RRM2: variants seen among roughly 807,000 people sequenced by gnomAD.
RRM2 encodes the protein ribonucleotide reductase regulatory subunit M2.
In RRM2, 6 loss-of-function variants were observed where a neutral mutation model predicts 45.9. The observed-to-expected ratio is 0.13, with a 90% CI of 0.07 to 0.26. The LOEUF is 0.26. Ranked by LOEUF, RRM2 falls within the 10% of genes least tolerant of loss-of-function variation. The pLI is 1.00. For synonymous variants in RRM2, 177 were observed against 173.0 expected, an observed-to-expected ratio of 1.02 and a Z score of -0.18; for missense variants, 343 against 489.5, an observed-to-expected ratio of 0.70 and a Z score of 2.82.
chr2:10,156,638 CTTGATTGATTGACTGA>C (rs1663431932), intron 3 of RRM2, among the ~76,000 whole-genome samples: 2 of 152,180 alleles, frequency 1.3e-5, no homozygotes, highest in African/African-American at 2.4e-5. Context: ...TGAGGGACTG[CTTGATTGATTGACTGA>C]TTGATTGGGA....
At chr2:10,152,983 TGCA>T (rs1249698579) in intron 3 of RRM2, among the ~76,000 whole-genome samples, 1 of 152,216 alleles carries the variant, frequency 6.6e-6, no homozygotes, top group Non-Finnish European at 1.5e-5. Flanking sequence ...CTGTGTTAAT[TGCA>T]GCATTATTCA....
rs1293039543 is a variant in RRM2 at position 10,169,580 on chromosome 2, G to C, written n.482+27205G>C. On this transcript the variant is annotated intron_variant and non_coding_transcript_variant, in intron 3 of 3. Transcript: ENST00000381786. This position sits in a 1 kb window ranked among gnomAD's most constrained non-coding sequence, Gnocchi z 5.1. ...GCTGGGGTTGGGGAGGCGCAGGGGG[G>C]CTCCCCAGCAGAGGGAGGGCATTTG... Among the ~76,000 whole-genome samples the C allele has an allele frequency of 6.6e-6, 1 of 152,070 alleles. No homozygotes were observed. The highest frequency in any genetic ancestry group is 2.4e-5 in the African/African-American group (1 of 41,372).
Position 10,149,019 on chromosome 2 carries a change from A to T in RRM2, n.482+6644A>T, listed in dbSNP as rs182766782. On this transcript the variant is annotated intron_variant and non_coding_transcript_variant, in intron 3 of 3. Transcript: ENST00000381786. Reference sequence around the variant, plus strand: ...TTTCCATTTCATCATGACTTTGAAGATACGATGTTTTTCCTTCTTTCTCCA... The same window carrying T: ...TTTCCATTTCATCATGACTTTGAAGTTACGATGTTTTTCCTTCTTTCTCCA... Among the ~76,000 whole-genome samples the T allele has an allele frequency of 3.4e-3, 521 of 152,046 alleles. 1 individual carries two copies. The highest frequency in any genetic ancestry group is 5.1e-3 in the Non-Finnish European group (349 of 68,012).
chr2:10,136,444 G>A (rs1043702660), upstream of RRM2, among the ~76,000 whole-genome samples: 8 of 152,138 alleles, frequency 5.3e-5, no homozygotes, highest in Non-Finnish European at 1.2e-4. Context: ...GAAAAGGCAC[G>A]CTGTCATCTA....
chr2:10,174,870 T>TA (rs57446176), intron 3 of RRM2, among the ~76,000 whole-genome samples: 7,245 of 144,802 alleles, frequency 0.05, 213 homozygotes, highest in East Asian at 0.12. Context: ...CAAAAATGGT[T>TA]AAAAAAAAAA....
intron 3 of RRM2, among the ~76,000 whole-genome samples, chr2:10,177,208 T>C (rs1328600848): frequency 2.0e-5 from 3 of 152,184 alleles, no homozygotes; most frequent in East Asian, 3.9e-4. Flanking sequence ...ATCGCACCAT[T>C]GCACTCCAGC....
chr2:10,163,348 T>C (rs1663609000), intron 3 of RRM2, among the ~76,000 whole-genome samples: 2 of 139,714 alleles, frequency 1.4e-5, no homozygotes, highest in African/African-American at 2.6e-5. Context: ...TGGGGGGGCA[T>C]CTGTAGCTGT....
chr2:10,133,289 C>T (rs561792428), downstream of RRM2, among the ~76,000 whole-genome samples: 1 of 152,370 alleles, frequency 6.6e-6, no homozygotes, highest in East Asian at 1.9e-4. Context: ...TGTGTGTGCA[C>T]ATTCGGGGCC....
chr2:10,148,318 C>G (rs550042538), intron 3 of RRM2, among the ~76,000 whole-genome samples: 15 of 151,950 alleles, frequency 9.9e-5, no homozygotes, highest in Non-Finnish European at 2.1e-4. Context: ...TGCTCACTGT[C>G]AGTTCTCTTG....
intron 3 of RRM2, among the ~76,000 whole-genome samples, chr2:10,162,254 A>T (rs4669545): frequency 0.73 from 110,711 of 151,940 alleles, 40,661 homozygotes; most frequent in East Asian, 1. Context: ...ATGAATAGAG[A>T]GGTGTGGAGC....
intron 3 of RRM2, among the ~76,000 whole-genome samples, chr2:10,199,800 A>AC (rs771864776): frequency 0.062 from 6,065 of 97,896 alleles, 592 homozygotes; most frequent in Non-Finnish European, 0.091. Flanking sequence ...AAAAAAAAAA[A>AC]AAAAAAAAAC....
chr2:10,134,753 CAT>C (rs1196119212), downstream of RRM2, among the ~76,000 whole-genome samples: 2 of 152,182 alleles, frequency 1.3e-5, no homozygotes, highest in Admixed American at 1.3e-4. Flanking sequence ...TAAGATTAGA[CAT>C]AGCTGAAGAG....
At chr2:10,132,806 A>C (rs903157467), downstream of RRM2, among the ~76,000 whole-genome samples, 8 of 152,192 alleles carry the variant, frequency 5.3e-5, no homozygotes, top group Admixed American at 1.3e-4. Flanking sequence ...AGGCGTCAAG[A>C]AGATGACCAA....
chr2:10,199,793 A>ACAAAAAAAC (rs202208894), intron 3 of RRM2, among the ~76,000 whole-genome samples: 1 of 137,010 alleles, frequency 7.3e-6, no homozygotes, highest in Non-Finnish European at 1.6e-5. Flanking sequence ...AAAAAAAAAA[A>ACAAAAAAAC]AAAAAAAAAA....
chr2:10,144,774 C>T (rs550717142), intron 3 of RRM2, among the ~76,000 whole-genome samples: 15 of 152,232 alleles, frequency 9.9e-5, no homozygotes, highest in East Asian at 1.9e-4. Flanking sequence ...GGAGAGGCCC[C>T]GGTGTCAGCC....
In RRM2 at chr2:10,123,950, A is replaced by C. The variant is rs1662726009; in HGVS notation, c.435+98A>C. ...TTGTATGTTTTTCCATGCTGAGTGC[A>C]TCTGTGTGTGTAAGCTGGGTTTTAT... On this transcript the variant is annotated intron_variant, in intron 4 of 9. Coordinates refer to ENST00000304567, the MANE Select transcript of RRM2 (RefSeq NM_001034.4). 1.5e-5 allele frequency: 11 copies of C among 744,662 alleles called. 1 individual carries two copies. Among genetic ancestry groups the C allele is most frequent in the East Asian group, 4.9e-5 (2 of 41,096 alleles). The allele number at this position is 744,662 out of a possible 1,614,324, so 46.1% of individuals were successfully genotyped here. A position where few individuals can be genotyped will look rare whatever the true frequency, so the allele number is the denominator to read the frequency against.
chr2:10,209,470 T>C (rs1423906279), intron 3 of RRM2, among the ~76,000 whole-genome samples: 1 of 152,166 alleles, frequency 6.6e-6, no homozygotes, highest in African/African-American at 2.4e-5. Flanking sequence ...GTCTGCCCAG[T>C]CTCTTCTTTT....
rs377652385 is a variant in RRM2, at chr2:10,210,279, A to C, written n.483-32A>C. 1.1e-5 allele frequency: 15 copies of C among 1,343,786 alleles called. No individual in the cohort carries two copies. In the East Asian group the frequency reaches 4.1e-4, roughly 37 times the overall value. The allele number at this position is 1,343,786 out of a possible 1,614,324, so 83.2% of individuals were successfully genotyped here. A position where few individuals can be genotyped will look rare whatever the true frequency, so the allele number is the denominator to read the frequency against. On this transcript the variant is annotated intron_variant and non_coding_transcript_variant, in intron 3 of 3. Transcript: ENST00000381786. Reference sequence around the variant, plus strand: ...GGCATGGGTTGGATGATCTTGGTTCAGTTACCAAATCTTTCTTTCCTGTCC... The same window carrying C: ...GGCATGGGTTGGATGATCTTGGTTCCGTTACCAAATCTTTCTTTCCTGTCC...
downstream of RRM2, among the ~76,000 whole-genome samples, chr2:10,131,907 C>T (rs536850291): frequency 9.9e-5 from 15 of 152,228 alleles, no homozygotes; most frequent in African/African-American, 2.2e-4. Context: ...TTTGTGAAGC[C>T]GGGGCTGAGT....
Sources: gnomAD v4.1 joint callset for allele counts (sites outside exome capture counted in the v4.1 genomes callset) on GRCh38, gnomAD v4.1.1 for gene constraint, Gnocchi (gnomAD v3.1) non-coding constraint, MANE v1.5 for transcripts, NCBI Gene and HGNC (gene_info 2026-07-23, HGNC 2026-07-21) for gene names.